DYNC2H1: variants seen among roughly 807,000 people sequenced by gnomAD.
The protein encoded by DYNC2H1 is cytoplasmic dynein 2 heavy chain 1.
A neutral mutation model predicts 570.0 loss-of-function variants in DYNC2H1; 410 were observed. That is an observed-to-expected ratio of 0.72 (90% CI 0.66 to 0.78). The LOEUF is 0.78. Among genes scored for constraint, DYNC2H1 ranks in the 30% least tolerant of loss-of-function variants. The pLI, the probability that DYNC2H1 is intolerant of heterozygous loss-of-function variation, is 0.00. For missense variants in DYNC2H1, 4,865 were observed against 5,046.4 expected (o/e 0.96, Z 1.09); for synonymous variants, 1,688 against 1,677.6 (o/e 1.01, Z -0.15).
At chr11:103,381,896 A>T (rs915442027) in intron 83 of DYNC2H1, among the ~76,000 whole-genome samples, 7 of 152,244 alleles carry the variant, frequency 4.6e-5, no homozygotes, top group Non-Finnish European at 1.0e-4. Context: ...ATTATTGTGT[A>T]AACTGTTCAA....
chr11:103,399,344 C>T (rs1466878500), intron 83 of DYNC2H1, among the ~76,000 whole-genome samples: 19 of 134,092 alleles, frequency 1.4e-4, no homozygotes, highest in Admixed American at 4.7e-4. Context: ...TTAGTAGAGG[C>T]GGGGTTTCAC....
chr11:103,462,771 T>A (rs1036880464), intron 87 of DYNC2H1, among the ~76,000 whole-genome samples: 5 of 152,232 alleles, frequency 3.3e-5, no homozygotes, highest in African/African-American at 9.6e-5. Context: ...AATGTTTCAG[T>A]AAATTGCATT....
At position 103,192,424 on chromosome 11, in the gene DYNC2H1, T is replaced by G. The variant is rs554928641; in HGVS notation, c.7708+160T>G. Among the ~76,000 whole-genome samples the G allele has an allele frequency of 7.2e-5, 11 of 152,320 alleles. No homozygotes were observed. The South Asian group carries it at 8.3e-4, about 11-fold the overall frequency. ...ACAGCTCAGTCTTTTTTGCTGGATTTCAGTAATCATGTTTCAATCAAAATA... is the reference window on the plus strand; with the variant it reads ...ACAGCTCAGTCTTTTTTGCTGGATTGCAGTAATCATGTTTCAATCAAAATA... On this transcript the variant is annotated intron_variant, in intron 47 of 88. Coordinates refer to ENST00000375735, the MANE Select transcript of DYNC2H1 (RefSeq NM_001377.3).
At chr11:103,165,112 A>G (rs908553043) in intron 30 of DYNC2H1, among the ~76,000 whole-genome samples, 10 of 152,214 alleles carry the variant, frequency 6.6e-5, no homozygotes, top group East Asian at 3.8e-4. Flanking sequence ...TAAAAGAACC[A>G]TAATGTAATA....
chr11:103,147,365 A>G (rs1860289548), intron 18 of DYNC2H1, among the ~76,000 whole-genome samples: 1 of 152,044 alleles, frequency 6.6e-6, no homozygotes, highest in Admixed American at 6.6e-5. Context: ...ATCTACATTT[A>G]ATTTTGCCTT....
chr11:103,456,570 G>A (rs1944797012), intron 87 of DYNC2H1, among the ~76,000 whole-genome samples: 1 of 151,980 alleles, frequency 6.6e-6, no homozygotes. Context: ...AGAATCTTGG[G>A]GATACAATAT....
intron 11 of DYNC2H1, among the ~76,000 whole-genome samples, chr11:103,124,728 G>A (rs1858902529): frequency 6.6e-6 from 1 of 152,046 alleles, no homozygotes; most frequent in Non-Finnish European, 1.5e-5. Flanking sequence ...AAGTACTAAA[G>A]AAGCAAGTAC....
intron 72 of DYNC2H1, 117 bp from the exon 73 acceptor site, chr11:103,282,891 A>G: frequency 2.8e-6 from 2 of 707,448 alleles, no homozygotes; most frequent in Non-Finnish European, 2.3e-6. Flanking sequence ...TAAAAATATA[A>G]AGAAATAATG....
rs559376915 is a variant in DYNC2H1, at chr11:103,239,618, T to C, written c.9819+3079T>C. Among the ~76,000 whole-genome samples, 4 of 151,706 alleles carry C rather than the reference T, an allele frequency of 2.6e-5. No individual in the cohort carries two copies. The South Asian group carries it at 8.3e-4, about 32-fold the overall frequency. ...AGGATTCAAACCCAGGCCACCTAGCTCCTGTCTATACACTTCTCATAGGAG... is the reference window on the plus strand; with the variant it reads ...AGGATTCAAACCCAGGCCACCTAGCCCCTGTCTATACACTTCTCATAGGAG... On this transcript the variant is annotated intron_variant, in intron 63 of 88. Coordinates refer to ENST00000375735, the MANE Select transcript of DYNC2H1 (RefSeq NM_001377.3). The surrounding 1 kb of genome is among the most constrained non-coding windows in gnomAD (Gnocchi z 4.3).
At chr11:103,138,005 C>G (rs1258278171) in intron 17 of DYNC2H1, among the ~76,000 whole-genome samples, 2 of 150,790 alleles carry the variant, frequency 1.3e-5, no homozygotes, top group Non-Finnish European at 3.0e-5. Flanking sequence ...AATGGGAGTT[C>G]ACTCATGATT....
rs1859494075 is a variant in DYNC2H1 at position 103,135,605 on chromosome 11, G to T, written c.2316G>T (p.Leu772Phe). 2 of 1,613,158 alleles carry T rather than the reference G, an allele frequency of 1.2e-6. No individual in the cohort carries two copies. The highest frequency in any genetic ancestry group is 2.2e-5 in the East Asian group (1 of 44,868). The change falls in exon 16 of 89, where the codon TTG (leucine) becomes TTT (phenylalanine). Residue 772 changes from leucine (L) to phenylalanine (F), a missense_variant. Physicochemically the swap from Leu to Phe is conservative, Grantham distance 22. This residue lies in a region of DYNC2H1 where 1,936 missense variants were observed against 1,962.1 expected (regional missense o/e 0.99). Coordinates refer to ENST00000375735, the MANE Select transcript of DYNC2H1 (RefSeq NM_001377.3). ...GCTTAGAAGCACTTAATGAGAATTT[G>T]CCAGAAATAAATATAGACTTAACTT... ...QMGLEALNEN[L>F]PEINIDLTYK...
At chr11:103,154,659 A>G in intron 23 of DYNC2H1, 36 bp from the exon 24 acceptor site, 2 of 1,567,716 alleles carry the variant, frequency 1.3e-6, no homozygotes, top group Non-Finnish European at 1.7e-6. Context: ...TTATTTTTGG[A>G]TGTAATCTTT....
At chr11:103,236,920 A>G (rs1864245180) in intron 63 of DYNC2H1, among the ~76,000 whole-genome samples, 1 of 152,020 alleles carries the variant, frequency 6.6e-6, no homozygotes, top group Non-Finnish European at 1.5e-5. Flanking sequence ...AAACAAAATT[A>G]GCAAAAAGTG....
chr11:103,323,922 G>C lies in DYNC2H1; in HGVS notation c.11971G>C (p.Asp3991His). ...TGTCATTGAGAAAATTCCAGAGGAC[G>C]ACAAACCTAGTTTCTTTGGTCTGCC... is the stretch of plus-strand genomic sequence containing the variant. ...RAVIEKIPEDDKPSFFGLPAN... is the reference protein window; with the variant it reads ...RAVIEKIPEDHKPSFFGLPAN... The change falls in exon 82 of 89, where the codon GAC (aspartate) becomes CAC (histidine). Residue 3991 changes from aspartate to histidine, a missense_variant. Asp to His is a moderately conservative substitution (Grantham distance 81). This residue lies in a region of DYNC2H1 where 2,401 missense variants were observed against 2,454.6 expected (regional missense o/e 0.98). Transcript: ENST00000375735. The C allele has an allele frequency of 6.2e-7, 1 of 1,612,486 alleles. No homozygotes were observed. The highest frequency in any genetic ancestry group is 1.1e-5 in the South Asian group (1 of 90,894).
chr11:103,421,599 G>T (rs1943491534), intron 84 of DYNC2H1, among the ~76,000 whole-genome samples: 1 of 152,126 alleles, frequency 6.6e-6, no homozygotes, highest in East Asian at 1.9e-4. Context: ...ACTTGCTCCT[G>T]AATGACTCTT....
At chr11:103,194,849 C>G (rs932472610) in intron 47 of DYNC2H1, among the ~76,000 whole-genome samples, 13 of 152,256 alleles carry the variant, frequency 8.5e-5, no homozygotes, top group African/African-American at 3.1e-4. Context: ...TCCCGAGTAG[C>G]TGGGATTACA....
intron 75 of DYNC2H1, among the ~76,000 whole-genome samples, chr11:103,297,012 T>G (rs1866859682): frequency 1.3e-5 from 2 of 152,120 alleles, no homozygotes; most frequent in African/African-American, 2.4e-5. Context: ...TACTATAGTT[T>G]TACCCTGGGT....
In DYNC2H1 at chr11:103,167,572, T is replaced by C. The variant is rs541500968; in HGVS notation, c.4763-1183T>C. ...CATGAGCCTCTTTGCCCGGCAATAA[T>C]AGTACTTTAAAGTCTTTTGCAGATA... On this transcript the variant is annotated intron_variant, in intron 31 of 88. Coordinates refer to ENST00000375735, the MANE Select transcript of DYNC2H1 (RefSeq NM_001377.3). 2.0e-5 allele frequency among the ~76,000 whole-genome samples: 3 copies of C among 152,256 alleles called. No individual in the cohort carries two copies. In the South Asian group the frequency reaches 6.2e-4, roughly 32 times the overall value.
chr11:103,266,317 A>T (rs10895386), intron 70 of DYNC2H1, among the ~76,000 whole-genome samples: 28,529 of 151,926 alleles, frequency 0.19, 3,570 homozygotes, highest in African/African-American at 0.36. Context: ...GGGCCCCTGC[A>T]GATGACTGTG....
Sources: allele counts gnomAD v4.1 joint callset (sites outside exome capture counted in the v4.1 genomes callset), GRCh38; gene constraint gnomAD v4.1.1; regional missense constraint gnomAD v4.1.1; non-coding constraint Gnocchi (gnomAD v3.1); transcripts MANE v1.5; gene names NCBI Gene and HGNC (gene_info 2026-07-23, HGNC 2026-07-21).